Variants in CEP63 observed in about 807,000 individuals in gnomAD.
CEP63 encodes centrosomal protein 63.
A neutral mutation model predicts 89.1 loss-of-function variants in CEP63; 84 were observed. That is an observed-to-expected ratio of 0.94 (90% CI 0.79 to 1.13). CEP63 has a LOEUF of 1.13. CEP63 is among the 50% of genes most tolerant of loss of function. The probability of loss-of-function intolerance (pLI) is 0.00; values close to 1 mark genes in which losing one functional copy is unlikely to be tolerated. For missense variants in CEP63, 838 were observed against 813.3 expected (o/e 1.03, Z -0.37); for synonymous variants, 267 against 272.5 (o/e 0.98, Z 0.20).
chr3:134,564,652 A>T lies in CEP63; in HGVS notation c.*3117A>T. On this transcript the variant is annotated 3_prime_UTR_variant, in exon 15 of 15. Coordinates refer to ENST00000675561, the MANE Select transcript of CEP63 (RefSeq NM_001353108.3). ...AATAATATCTAATGGGGTCGAGAAG[A>T]TTTACTGAAAATATATATTTGAAAG... 5 of 985,376 alleles carry T rather than the reference A, an allele frequency of 5.1e-6. No individual in the cohort carries two copies. Among genetic ancestry groups the T allele is most frequent in the Non-Finnish European group, 3.6e-6 (3 of 829,884 alleles). 61.0% of individuals were successfully genotyped at this position (985,376 alleles called of 1,614,324 possible). A position where few individuals can be genotyped will look rare whatever the true frequency, so the allele number is the denominator to read the frequency against.
At chr3:134,705,888 G>T in the CEP63 span, among the ~76,000 whole-genome samples, 1 of 152,278 alleles carries the variant, frequency 6.6e-6, no homozygotes, top group East Asian at 1.9e-4. Context: ...TCTGATTCAG[G>T]ACCTTACATA....
the CEP63 span, among the ~76,000 whole-genome samples, chr3:134,620,171 C>T: frequency 2.6e-5 from 4 of 152,114 alleles, no homozygotes; most frequent in East Asian, 1.9e-4. Flanking sequence ...CTGCTTGACC[C>T]GGGAGCTTCC....
chr3:134,548,366 G>C (rs1177832965), intron 9 of CEP63, among the ~76,000 whole-genome samples: 1 of 152,200 alleles, frequency 6.6e-6, no homozygotes, highest in African/African-American at 2.4e-5. Flanking sequence ...TTCTGCTGTG[G>C]TGTTGTTACT....
rs570836391 is a variant in CEP63 at position 134,550,210 on chromosome 3, C to T, written c.1330C>T (p.Arg444Ter). Residue 444 changes from arginine (R) to a stop codon, truncating the protein, a stop_gained, in exon 11 of 15, where the codon CGA (arginine) becomes TGA (stop). Transcript: ENST00000675561. LOFTEE classifies it high-confidence loss of function. ...AGGTTCTTCCTCAGACATGGAAAAG[C>T]GACTCAGAGCAGAGATGCAAAAGGC... is the stretch of plus-strand genomic sequence containing the variant. ...TKGSSSDMEK[R>*]LRAEMQKAED... is the part of the protein sequence containing the mutation. The T allele has an allele frequency of 9.3e-6, 15 of 1,614,034 alleles. No individual in the cohort carries two copies. The African/African-American group carries it at 1.3e-4, about 14-fold the overall frequency.
chr3:134,734,211 C>A, the CEP63 span, among the ~76,000 whole-genome samples: 3 of 152,112 alleles, frequency 2.0e-5, no homozygotes, highest in African/African-American at 7.2e-5. Flanking sequence ...TAGCTGAAAC[C>A]TGGAAACAGC....
chr3:134,612,751 C>CTGTGTGTGTGTGTGTGTGTG, the CEP63 span, among the ~76,000 whole-genome samples: 16 of 125,486 alleles, frequency 1.3e-4, no homozygotes, highest in East Asian at 2.1e-3. Flanking sequence ...CACGCCGATG[C>CTGTGTGTGTGTGTGTGTGTG]TGTGTGTGTG....
the CEP63 span, among the ~76,000 whole-genome samples, chr3:134,598,859 T>A: frequency 6.6e-6 from 1 of 152,250 alleles, no homozygotes; most frequent in South Asian, 2.1e-4. Flanking sequence ...AAAGAGGACA[T>A]CCCCGTTAAC....
At chr3:134,487,670 G>GC (rs1306672584) in intron 1 of CEP63, among the ~76,000 whole-genome samples, 2 of 152,078 alleles carry the variant, frequency 1.3e-5, no homozygotes, top group Non-Finnish European at 2.9e-5. Flanking sequence ...CCGCCTCCCC[G>GC]CCCCCATCAG....
chr3:134,627,619 C>T, the CEP63 span: 31 of 708,608 alleles, frequency 4.4e-5, no homozygotes, highest in African/African-American at 7.1e-5. Flanking sequence ...TCATGACACT[C>T]TTCCCCTCCT....
At chr3:134,663,183 A>G in the CEP63 span, among the ~76,000 whole-genome samples, 1 of 152,194 alleles carries the variant, frequency 6.6e-6, no homozygotes, top group Admixed American at 6.5e-5. Flanking sequence ...CTGCGGGTAC[A>G]TCATTCCTGG....
At chr3:134,578,365 T>C (rs1311040062), downstream of CEP63, among the ~76,000 whole-genome samples, 1 of 142,004 alleles carries the variant, frequency 7.0e-6, no homozygotes, top group Non-Finnish European at 1.5e-5. Flanking sequence ...AGTCTTGCTC[T>C]GGTCACCCAG....
chr3:134,536,067 A>G (rs542494431), intron 5 of CEP63: 1 of 152,240 alleles, frequency 6.6e-6, no homozygotes, highest in African/African-American at 2.4e-5. Context: ...TCCACCCAGA[A>G]TATTGTAACT....
the CEP63 span, among the ~76,000 whole-genome samples, chr3:134,774,894 G>A: frequency 6.6e-6 from 1 of 152,270 alleles, no homozygotes; most frequent in Non-Finnish European, 1.5e-5. Context: ...TGAAACCTAG[G>A]AGGGCTTCCC....
the CEP63 span, among the ~76,000 whole-genome samples, chr3:134,617,253 A>T: frequency 0.35 from 52,772 of 152,092 alleles, 9,530 homozygotes; most frequent in African/African-American, 0.37. Context: ...AGAGGAAAAT[A>T]ATCATGTTCT....
intron 2 of CEP63, among the ~76,000 whole-genome samples, chr3:134,505,691 C>T (rs1256044686): frequency 2.6e-5 from 4 of 152,206 alleles, no homozygotes; most frequent in East Asian, 3.9e-4. Context: ...GCAGTGATCA[C>T]GGTAGGTTGA....
At chr3:134,745,966 T>G in the CEP63 span, among the ~76,000 whole-genome samples, 1 of 151,496 alleles carries the variant, frequency 6.6e-6, no homozygotes, top group African/African-American at 2.4e-5. Context: ...GTGCACAACA[T>G]GCAGTTTTGT....
chr3:134,722,404 C>T, the CEP63 span, among the ~76,000 whole-genome samples: 1 of 152,024 alleles, frequency 6.6e-6, no homozygotes, highest in Non-Finnish European at 1.5e-5. Flanking sequence ...GTGATGTCTT[C>T]TCTTTCATTC....
chr3:134,573,450 G>A (rs531941375), intron 11 of CEP63, among the ~76,000 whole-genome samples: 1 of 152,182 alleles, frequency 6.6e-6, no homozygotes, highest in Non-Finnish European at 1.5e-5. Flanking sequence ...TAAGGGTCCA[G>A]TTTCAATCTT....
chr3:134,662,913 T>C, the CEP63 span, among the ~76,000 whole-genome samples: 5 of 152,228 alleles, frequency 3.3e-5, no homozygotes, highest in Non-Finnish European at 5.9e-5. Context: ...TCCAGGGTCC[T>C]ACTGGAGGAT....
Sources: allele counts gnomAD v4.1 joint callset (sites outside exome capture counted in the v4.1 genomes callset), GRCh38; gene constraint gnomAD v4.1.1; transcripts MANE v1.5; gene names NCBI Gene and HGNC (gene_info 2026-07-23, HGNC 2026-07-21).